The following TTLL7 variants were observed in gnomAD, a reference collection of about 807,000 sequenced individuals.
The protein encoded by TTLL7 is tubulin tyrosine ligase like 7, also known as tubulin polyglutamylase TTLL7.
Under a neutral mutation model 120.2 loss-of-function variants are expected in TTLL7, and 53 were observed. The ratio of observed to expected loss-of-function variants is 0.44; its 90% CI spans 0.35 to 0.55. TTLL7 has a LOEUF of 0.55. Ranked by LOEUF, TTLL7 falls within the 20% of genes least tolerant of loss-of-function variation. The pLI is 0.00. For missense variants in TTLL7, 803 were observed against 1,054.7 expected (o/e 0.76, Z 3.31); for synonymous variants, 353 against 351.7 (o/e 1.00, Z -0.04).
intron 1 of TTLL7, among the ~76,000 whole-genome samples, chr1:83,973,530 C>A (rs1253495380): frequency 6.6e-6 from 1 of 151,934 alleles, no homozygotes; most frequent in Non-Finnish European, 1.5e-5. Context: ...TCTTCTCCTT[C>A]GATATTGTGT....
chr1:83,998,513 G>A (rs774566043), intron 1 of TTLL7, among the ~76,000 whole-genome samples: 2 of 152,210 alleles, frequency 1.3e-5, no homozygotes, highest in Non-Finnish European at 2.9e-5. Flanking sequence ...TGCGAAAAGG[G>A]CATTTTGATA....
chr1:83,916,112 A>G (rs1467415723), intron 14 of TTLL7, among the ~76,000 whole-genome samples: 1 of 152,142 alleles, frequency 6.6e-6, no homozygotes, highest in Non-Finnish European at 1.5e-5. Context: ...AACTAGAAAT[A>G]CCATTTGACC....
chr1:83,977,479 G>A (rs1571366967), intron 1 of TTLL7, among the ~76,000 whole-genome samples: 1 of 151,766 alleles, frequency 6.6e-6, no homozygotes, highest in African/African-American at 2.4e-5. Context: ...TCAAATTGTG[G>A]GCCTAAATCA....
Position 83,953,872 on chromosome 1 carries a change from A to C in TTLL7, c.-176-1485T>G, listed in dbSNP as rs367834975. On this transcript the variant is annotated intron_variant, in intron 1 of 20. Coordinates refer to ENST00000260505, the MANE Select transcript of TTLL7 (RefSeq NM_024686.6). Reference sequence around the variant, plus strand: ...ACCCTACTGCAGTACATGCCGCAAGATATGGCCATATTCTGGGAATTTGCA... The same window carrying C: ...ACCCTACTGCAGTACATGCCGCAAGCTATGGCCATATTCTGGGAATTTGCA... 4.3e-4 allele frequency among the ~76,000 whole-genome samples: 66 copies of C among 152,308 alleles called. 1 individual carries two copies. The South Asian group carries it at 0.013, about 30-fold the overall frequency.
chr1:83,974,012 G>A (rs1363788519), intron 1 of TTLL7, among the ~76,000 whole-genome samples: 2 of 151,912 alleles, frequency 1.3e-5, no homozygotes, highest in Non-Finnish European at 2.9e-5. Flanking sequence ...GATTTTTGCG[G>A]TTCACTCTAT....
At chr1:83,870,967 T>A (rs920655132) in intron 20 of TTLL7, among the ~76,000 whole-genome samples, 6 of 151,376 alleles carry the variant, frequency 4.0e-5, no homozygotes, top group Admixed American at 1.3e-4. Context: ...CAAATGTATT[T>A]CAAAATATGT....
At chr1:83,931,025 G>A (rs1422448231) in intron 9 of TTLL7, among the ~76,000 whole-genome samples, 2 of 147,426 alleles carry the variant, frequency 1.4e-5, no homozygotes, top group African/African-American at 5.0e-5. Context: ...TAAGTTTTAT[G>A]AGAAAGGTAA....
chr1:83,955,732 C>G (rs561540926), intron 1 of TTLL7, among the ~76,000 whole-genome samples: 2 of 152,264 alleles, frequency 1.3e-5, no homozygotes, highest in East Asian at 3.9e-4. Context: ...GTTAATTAGC[C>G]AGGCACCATG....
chr1:83,919,284 G>GTA (rs1286017597), intron 13 of TTLL7, among the ~76,000 whole-genome samples: 3 of 151,852 alleles, frequency 2.0e-5, no homozygotes, highest in Non-Finnish European at 2.9e-5. Flanking sequence ...GTGTGTGTGT[G>GTA]TGTGTGTGTT....
chr1:83,993,074 A>G (rs1318585229), intron 1 of TTLL7, among the ~76,000 whole-genome samples: 1 of 152,154 alleles, frequency 6.6e-6, no homozygotes, highest in African/African-American at 2.4e-5. Flanking sequence ...ATTAAACCCA[A>G]AGATGCTAAC....
At chr1:83,923,701 C>A (rs1557652695) in intron 10 of TTLL7, among the ~76,000 whole-genome samples, 1 of 152,140 alleles carries the variant, frequency 6.6e-6, no homozygotes, top group East Asian at 1.9e-4. Flanking sequence ...ATTTGCATTT[C>A]TATGAATATT....
intron 14 of TTLL7, among the ~76,000 whole-genome samples, chr1:83,914,323 C>CTTTTTTTTTTT (rs1171299360): frequency 2.6e-4 from 20 of 78,244 alleles, no homozygotes; most frequent in Non-Finnish European, 2.9e-4. Flanking sequence ...CTCTCTCTCT[C>CTTTTTTTTTTT]TTTTTTTTTT....
At chr1:83,954,376 A>G (rs2100868153) in intron 1 of TTLL7, among the ~76,000 whole-genome samples, 1 of 152,342 alleles carries the variant, frequency 6.6e-6, no homozygotes, top group African/African-American at 2.4e-5. Context: ...TTTATGCCTT[A>G]GTCAAAGTGC....
intron 1 of TTLL7, among the ~76,000 whole-genome samples, chr1:83,992,688 TA>T (rs562977948): frequency 2.0e-5 from 3 of 150,862 alleles, no homozygotes; most frequent in Admixed American, 6.6e-5. Context: ...TAAGAGATGC[TA>T]AAAAAAATTG....
rs538375077 is a variant in TTLL7 at position 83,974,823 on chromosome 1, C to T, written c.-176-22436G>A. On this transcript the variant is annotated intron_variant, in intron 1 of 20. Transcript: ENST00000260505. ...TGACCTATTATACCTACCCATAAGTCATTATCTAAGGTTTAAATTTTCAAT... is the reference window on the plus strand; with the variant it reads ...TGACCTATTATACCTACCCATAAGTTATTATCTAAGGTTTAAATTTTCAAT... 3.3e-5 allele frequency among the ~76,000 whole-genome samples: 5 copies of T among 152,004 alleles called. No individual in the cohort carries two copies. The South Asian group carries it at 1.0e-3, about 32-fold the overall frequency.
At chr1:83,950,408 C>A (rs904806371) in intron 3 of TTLL7, among the ~76,000 whole-genome samples, 4 of 152,120 alleles carry the variant, frequency 2.6e-5, no homozygotes, top group African/African-American at 9.7e-5. Flanking sequence ...GCCATACTTT[C>A]CACCTCCCTA....
rs374121863 is a variant in TTLL7 at position 83,878,811 on chromosome 1, T to C, written c.2543+4152A>G. Among the ~76,000 whole-genome samples, 4 of 151,912 alleles carry C rather than the reference T, an allele frequency of 2.6e-5. No individual in the cohort carries two copies. The South Asian group carries it at 8.3e-4, about 31-fold the overall frequency. ...AAAATGTCTTTTCCTTTGGTATGCA[T>C]ATTATTATTTTTTTCTGAGAGTGCA... On this transcript the variant is annotated intron_variant, in intron 20 of 20. Transcript: ENST00000260505.
At chr1:83,882,813 A>T in intron 20 of TTLL7, 150 bp downstream of exon 20, 2 of 784,252 alleles carry the variant, frequency 2.6e-6, no homozygotes, top group Non-Finnish European at 4.0e-6. Flanking sequence ...TGTACTAATT[A>T]AAAATATTTT....
rs571585086 is a variant in TTLL7 at position 83,882,247 on chromosome 1, A to T, written c.2543+716T>A. On this transcript the variant is annotated intron_variant, in intron 20 of 20. Transcript: ENST00000260505. ...AAAACTTAAAGTATAATAATAATAA[A>T]ATAAAAATAATAATAATAATAATTA... 2.2e-4 allele frequency among the ~76,000 whole-genome samples: 33 copies of T among 149,828 alleles called. No homozygotes were observed. In the South Asian group the frequency reaches 6.7e-3, roughly 30 times the overall value.
Sources: allele counts gnomAD v4.1 joint callset (sites outside exome capture counted in the v4.1 genomes callset), GRCh38; gene constraint gnomAD v4.1.1; transcripts MANE v1.5; gene names NCBI Gene and HGNC (gene_info 2026-07-23, HGNC 2026-07-21).